The following SDK1 variants were observed in gnomAD, a reference collection of about 807,000 sequenced individuals.
SDK1 encodes the protein protein sidekick-1.
Under a neutral mutation model 245.5 loss-of-function variants are expected in SDK1, and 157 were observed. The observed-to-expected ratio is 0.64, with a 90% CI of 0.56 to 0.73. The LOEUF (loss-of-function observed/expected upper bound fraction) is 0.73. Ranked by LOEUF, SDK1 falls within the 30% of genes least tolerant of loss-of-function variation. The pLI is 0.00. For missense variants in SDK1, 3,583 were observed against 3,002.3 expected (o/e 1.19, Z -4.52); for synonymous variants, 1,647 against 1,278.5 (o/e 1.29, Z -6.15).
intron 14 of SDK1, among the ~76,000 whole-genome samples, chr7:4,006,808 A>T (rs1467210354): frequency 6.6e-6 from 1 of 152,224 alleles, no homozygotes; most frequent in Non-Finnish European, 1.5e-5. Context: ...CAAACCAGGC[A>T]GCAGACTCTG....
intron 17 of SDK1, among the ~76,000 whole-genome samples, chr7:4,023,560 G>T (rs1787100743): frequency 6.6e-6 from 1 of 152,192 alleles, no homozygotes; most frequent in South Asian, 2.1e-4. Flanking sequence ...AATGGACTCA[G>T]AAATCAATAC....
chr7:4,236,132 G>T (rs1428964559), intron 41 of SDK1, among the ~76,000 whole-genome samples: 1 of 152,224 alleles, frequency 6.6e-6, no homozygotes, highest in African/African-American at 2.4e-5. Context: ...CCCTATTCGT[G>T]AGATATAGGA....
intron 17 of SDK1, among the ~76,000 whole-genome samples, chr7:4,039,006 T>C (rs1480134421): frequency 1.3e-5 from 2 of 152,142 alleles, no homozygotes; most frequent in Non-Finnish European, 1.5e-5. Flanking sequence ...TTTTTACCAC[T>C]CTACTTGGTA....
chr7:3,568,402 T>C (rs925647516), intron 1 of SDK1, among the ~76,000 whole-genome samples: 8 of 152,204 alleles, frequency 5.3e-5, no homozygotes, highest in Non-Finnish European at 8.8e-5. Context: ...TGTTCTTCTT[T>C]ATATTGTGGT....
At chr7:3,521,299 A>G (rs950014176) in intron 1 of SDK1, among the ~76,000 whole-genome samples, 1 of 152,226 alleles carries the variant, frequency 6.6e-6, no homozygotes, top group Non-Finnish European at 1.5e-5. Context: ...CAAGTAATCC[A>G]GAGTAAGCTC....
chr7:3,330,132 T>G (rs1472968055), intron 1 of SDK1, among the ~76,000 whole-genome samples: 2 of 152,228 alleles, frequency 1.3e-5, no homozygotes. Flanking sequence ...ATTTTCACTT[T>G]CTGGTGTCTG....
At chr7:3,618,740 G>C (rs932112806) in intron 1 of SDK1, among the ~76,000 whole-genome samples, 1 of 152,122 alleles carries the variant, frequency 6.6e-6, no homozygotes, top group African/African-American at 2.4e-5. Flanking sequence ...CTGTTTTCTC[G>C]CAAATAGATT....
intron 1 of SDK1, among the ~76,000 whole-genome samples, chr7:3,507,959 G>A (rs779480771): frequency 6.6e-6 from 1 of 152,050 alleles, no homozygotes; most frequent in Non-Finnish European, 1.5e-5. Context: ...ATTCCTGGTG[G>A]CATTTGACAC....
intron 4 of SDK1, among the ~76,000 whole-genome samples, chr7:3,743,461 C>T (rs564489659): frequency 2.4e-4 from 37 of 152,170 alleles, no homozygotes; most frequent in Admixed American, 2.1e-3. Context: ...TAGAGTGGAC[C>T]TTTTACTTTA....
intron 4 of SDK1, among the ~76,000 whole-genome samples, chr7:3,796,574 A>T (rs892446012): frequency 6.6e-6 from 1 of 152,120 alleles, no homozygotes; most frequent in Non-Finnish European, 1.5e-5. Flanking sequence ...CACTTTCAGT[A>T]CATAGCCAGG....
At chr7:3,756,862 G>C (rs1340151649) in intron 4 of SDK1, among the ~76,000 whole-genome samples, 1 of 152,178 alleles carries the variant, frequency 6.6e-6, no homozygotes, top group Admixed American at 6.5e-5. Context: ...CCCTTTTGAT[G>C]ATATCATATC....
At chr7:3,919,546 C>A (rs1779515085) in intron 5 of SDK1, among the ~76,000 whole-genome samples, 2 of 152,178 alleles carry the variant, frequency 1.3e-5, no homozygotes, top group Non-Finnish European at 2.9e-5. Flanking sequence ...CCCTGGTGAA[C>A]TGAAAGATAG....
At chr7:3,705,601 T>A (rs1490601221) in intron 4 of SDK1, among the ~76,000 whole-genome samples, 1 of 152,014 alleles carries the variant, frequency 6.6e-6, no homozygotes, top group Non-Finnish European at 1.5e-5. Context: ...ATACATTGAT[T>A]TTTGTGAACT....
chr7:3,582,481 C>T (rs1225007353), intron 1 of SDK1, among the ~76,000 whole-genome samples: 2 of 151,414 alleles, frequency 1.3e-5, no homozygotes, highest in African/African-American at 4.9e-5. Flanking sequence ...TCAGGTAGGT[C>T]TCCCTCAGGT....
chr7:4,051,651 C>G lies in SDK1; in HGVS notation c.2732C>G (p.Pro911Arg), dbSNP rs144270124. ...GTTCCATCTCAGCTTCTGGCATGGC[C>G]GGCAGATGCCCCCGAGGCTGTCACT... ...INQGYKLLAW[P>R]ADAPEAVTVV... Residue 911 changes from proline (P) to arginine (R), a missense_variant, in exon 19 of 45, where the codon CCG becomes CGG. Transcript: ENST00000404826. 1.2e-6 allele frequency: 2 copies of G among 1,610,760 alleles called. No individual in the cohort carries two copies. Among genetic ancestry groups the G allele is most frequent in the South Asian group, 1.1e-5 (1 of 90,288 alleles).
At chr7:3,329,197 A>T (rs1026744987) in intron 1 of SDK1, among the ~76,000 whole-genome samples, 2 of 152,138 alleles carry the variant, frequency 1.3e-5, no homozygotes, top group African/African-American at 4.8e-5. Flanking sequence ...CATTTTGCAG[A>T]TAATGGTTGG....
chr7:3,480,973 AGCATTATGTATGT>A (rs1474704537), intron 1 of SDK1, among the ~76,000 whole-genome samples: 1 of 152,186 alleles, frequency 6.6e-6, no homozygotes, highest in Non-Finnish European at 1.5e-5. Flanking sequence ...GTCTCTGGTA[AGCATTATGTATGT>A]GCATTATGTA....
intron 1 of SDK1, among the ~76,000 whole-genome samples, chr7:3,360,226 C>T (rs6968665): frequency 0.62 from 93,882 of 152,028 alleles, 30,359 homozygotes; most frequent in African/African-American, 0.83. Flanking sequence ...CACTATATTC[C>T]TGGATAGCCC....
At chr7:3,857,381 T>TG (rs1260841493) in intron 5 of SDK1, among the ~76,000 whole-genome samples, 4 of 152,076 alleles carry the variant, frequency 2.6e-5, no homozygotes, top group Non-Finnish European at 5.9e-5. Context: ...TATGATTACT[T>TG]GCGTAGAAAA....
Sources: allele counts gnomAD v4.1 joint callset (sites outside exome capture counted in the v4.1 genomes callset), GRCh38; gene constraint gnomAD v4.1.1; transcripts MANE v1.5; gene names NCBI Gene and HGNC (gene_info 2026-07-23, HGNC 2026-07-21).